Variants in DCC observed in about 807,000 individuals in gnomAD.
The protein encoded by DCC is netrin receptor DCC.
In DCC, 58 loss-of-function variants were observed where a neutral mutation model predicts 172.5. That is an observed-to-expected ratio of 0.34 (90% confidence interval 0.27 to 0.42). The LOEUF (loss-of-function observed/expected upper bound fraction) is 0.42, where lower values mean the gene tolerates loss of function less well. Among genes scored for constraint, DCC ranks in the 10% least tolerant of loss-of-function variants. The pLI is 1.00. For synonymous variants in DCC, 709 were observed against 644.5 expected (o/e 1.10, Z -1.52); for missense variants, 1,740 against 1,791.0 (o/e 0.97, Z 0.51).
chr18:53,035,067 A>G (rs2042074616), intron 5 of DCC, among the ~76,000 whole-genome samples: 1 of 152,050 alleles, frequency 6.6e-6, no homozygotes, highest in Non-Finnish European at 1.5e-5. Context: ...AGTTGTACAT[A>G]TTTTGAGGAT....
chr18:53,038,939 A>T (rs1031578876), intron 5 of DCC, among the ~76,000 whole-genome samples: 4 of 152,028 alleles, frequency 2.6e-5, no homozygotes, highest in African/African-American at 9.7e-5. Flanking sequence ...AGGACACTTG[A>T]CATTAGAAAA....
intron 2 of DCC, among the ~76,000 whole-genome samples, chr18:52,889,088 G>A (rs1292105469): frequency 6.6e-6 from 1 of 152,040 alleles, no homozygotes; most frequent in African/African-American, 2.4e-5. Context: ...AGATGGAAAT[G>A]TGTTTTCAAT....
intron 15 of DCC, among the ~76,000 whole-genome samples, chr18:53,375,386 A>G (rs2058099692): frequency 6.6e-6 from 1 of 152,212 alleles, no homozygotes; most frequent in African/African-American, 2.4e-5. Context: ...GAGAAAGGAA[A>G]TGGGAAGAGG....
At chr18:53,310,371 A>C (rs2057252047) in intron 13 of DCC, among the ~76,000 whole-genome samples, 1 of 152,150 alleles carries the variant, frequency 6.6e-6, no homozygotes, top group South Asian at 2.1e-4. Context: ...CTGTTTAAAA[A>C]ATTGGAAATT....
chr18:52,851,254 A>G (rs1414453674), intron 2 of DCC, among the ~76,000 whole-genome samples: 1 of 152,092 alleles, frequency 6.6e-6, no homozygotes, highest in African/African-American at 2.4e-5. Flanking sequence ...TCATTCATGG[A>G]TCATTCTTGG....
At chr18:53,239,240 C>T (rs74759921) in intron 12 of DCC, among the ~76,000 whole-genome samples, 1 of 141,502 alleles carries the variant, frequency 7.1e-6, no homozygotes. Flanking sequence ...AAAAAAAAAA[C>T]TCCAGCAAAG....
At chr18:53,092,910 C>G (rs967823405) in intron 7 of DCC, among the ~76,000 whole-genome samples, 1 of 151,930 alleles carries the variant, frequency 6.6e-6, no homozygotes, top group Non-Finnish European at 1.5e-5. Flanking sequence ...TTAATGCTAG[C>G]AACTGAATCA....
intron 7 of DCC, among the ~76,000 whole-genome samples, chr18:53,103,687 T>A (rs2043205705): frequency 6.6e-6 from 1 of 152,130 alleles, no homozygotes; most frequent in Non-Finnish European, 1.5e-5. Flanking sequence ...GCTTGATCCT[T>A]TTAGGATTAT....
chr18:53,014,768 A>C (rs1162390519), intron 5 of DCC, among the ~76,000 whole-genome samples: 1 of 152,096 alleles, frequency 6.6e-6, no homozygotes, highest in East Asian at 1.9e-4. Flanking sequence ...AGTTACCTTT[A>C]GAGAGAATGG....
At chr18:53,527,283 A>C (rs901044775) in intron 28 of DCC, among the ~76,000 whole-genome samples, 4 of 151,756 alleles carry the variant, frequency 2.6e-5, no homozygotes, top group African/African-American at 9.7e-5. Flanking sequence ...CACAGGCACA[A>C]TCATAGTGCA....
At chr18:52,569,505 T>C (rs1482012341) in intron 1 of DCC, among the ~76,000 whole-genome samples, 1 of 152,126 alleles carries the variant, frequency 6.6e-6, no homozygotes, top group African/African-American at 2.4e-5. Flanking sequence ...GATGAAGAAA[T>C]AAAAAGTGGT....
At chr18:52,940,390 A>C (rs190696401) in intron 5 of DCC, among the ~76,000 whole-genome samples, 4 of 152,272 alleles carry the variant, frequency 2.6e-5, no homozygotes, top group Admixed American at 6.5e-5. Flanking sequence ...ACTTTCACTC[A>C]AATTCTTAAA....
intron 2 of DCC, among the ~76,000 whole-genome samples, chr18:52,778,053 G>A (rs2037465321): frequency 6.6e-6 from 1 of 152,132 alleles, no homozygotes; most frequent in African/African-American, 2.4e-5. Context: ...AATCCAAATA[G>A]CAATATACTA....
intron 9 of DCC, among the ~76,000 whole-genome samples, chr18:53,183,238 A>G (rs145122482): frequency 4.1e-4 from 63 of 152,276 alleles, no homozygotes; most frequent in African/African-American, 1.4e-3. Flanking sequence ...ATTTTGTAGT[A>G]ATCATTTAAA....
chr18:53,130,703 A>C (rs1220630690), intron 7 of DCC, among the ~76,000 whole-genome samples: 4 of 152,052 alleles, frequency 2.6e-5, no homozygotes, highest in Non-Finnish European at 4.4e-5. Flanking sequence ...TGGGATCTGT[A>C]GGGTGGGTCC....
chr18:53,372,287 TA>T (rs1191269608), intron 15 of DCC, among the ~76,000 whole-genome samples: 4 of 151,916 alleles, frequency 2.6e-5, no homozygotes, highest in Non-Finnish European at 4.4e-5. Flanking sequence ...TATGCAGCCA[TA>T]AAAAAGAATG....
chr18:52,756,986 A>G (rs111661060), intron 2 of DCC: 1 of 152,258 alleles, frequency 6.6e-6, no homozygotes, highest in African/African-American at 2.4e-5. Context: ...ATAGGCAACA[A>G]ATCCTGAGAC....
At chr18:52,843,424 C>CAG (rs2038838488) in intron 2 of DCC, among the ~76,000 whole-genome samples, 1 of 151,992 alleles carries the variant, frequency 6.6e-6, no homozygotes, top group Admixed American at 6.6e-5. Context: ...ATCCTTGCAT[C>CAG]AAGCAGAGAA....
At chr18:52,370,841 A>G (rs1985090731) in intron 1 of DCC, among the ~76,000 whole-genome samples, 2 of 152,230 alleles carry the variant, frequency 1.3e-5, no homozygotes. Flanking sequence ...ATATTTTTTG[A>G]TGGAGAAGAA....
Sources: gnomAD v4.1 joint callset for allele counts (sites outside exome capture counted in the v4.1 genomes callset) on GRCh38, gnomAD v4.1.1 for gene constraint, MANE v1.5 for transcripts, NCBI Gene and HGNC (gene_info 2026-07-23, HGNC 2026-07-21) for gene names.